The following EML1 variants were observed in gnomAD, a reference collection of about 807,000 sequenced individuals.
The protein encoded by EML1 is EMAP like 1.
In EML1, 27 loss-of-function variants were observed where a neutral mutation model predicts 110.4. The observed-to-expected ratio is 0.24, with a 90% CI of 0.18 to 0.34. The LOEUF is 0.34. EML1 is among the 10% of genes least tolerant of loss of function. The pLI is 1.00. For missense variants in EML1, 741 were observed against 1,030.9 expected, an observed-to-expected ratio of 0.72 and a Z score of 3.85; for synonymous variants, 344 against 385.8, an observed-to-expected ratio of 0.89 and a Z score of 1.27.
intron 1 of EML1, among the ~76,000 whole-genome samples, chr14:99,754,978 C>T (rs921834567): frequency 6.6e-6 from 1 of 152,246 alleles, no homozygotes; most frequent in African/African-American, 2.4e-5. Context: ...ACCTAACCAG[C>T]TGTAATCCCG....
At position 99,940,115 on chromosome 14, in the gene EML1, C is replaced by T. The variant is rs1396768600; in HGVS notation, c.*3C>T. 3 of 1,559,322 alleles carry T rather than the reference C, an allele frequency of 1.9e-6. No individual in the cohort carries two copies. Among genetic ancestry groups the T allele is most frequent in the Non-Finnish European group, 2.6e-6 (3 of 1,153,318 alleles). On this transcript the variant is annotated 3_prime_UTR_variant, in exon 22 of 22. Coordinates refer to ENST00000262233, the MANE Select transcript of EML1 (RefSeq NM_004434.3). ...TCATGCAGTGGCGCGTCATTTAGTA[C>T]CCACCGAGAGCTGTGGGGAGCAGCA...
At chr14:99,923,918 T>C (rs760249494) in intron 17 of EML1, among the ~76,000 whole-genome samples, 4 of 152,192 alleles carry the variant, frequency 2.6e-5, no homozygotes, top group Non-Finnish European at 4.4e-5. Flanking sequence ...CCTCCCAAAG[T>C]GTTGGGATTA....
At chr14:99,789,509 T>G (rs1021218700), upstream of EML1, among the ~76,000 whole-genome samples, 1 of 152,198 alleles carries the variant, frequency 6.6e-6, no homozygotes, top group African/African-American at 2.4e-5. Context: ...ATGCCTGGCC[T>G]CTATTTCATT....
intron 15 of EML1, among the ~76,000 whole-genome samples, chr14:99,915,833 G>A (rs1424577245): frequency 1.3e-5 from 2 of 152,172 alleles, no homozygotes; most frequent in East Asian, 3.8e-4. Context: ...TAGCCCTTCT[G>A]TAAACCAACA....
intron 1 of EML1, among the ~76,000 whole-genome samples, chr14:99,830,965 A>C (rs747796371): frequency 1.3e-5 from 2 of 152,108 alleles, no homozygotes; most frequent in Non-Finnish European, 1.5e-5. Context: ...ACTCCTTTTG[A>C]TTCTTTAAAA....
At chr14:99,902,609 T>C (rs1779181635) in intron 9 of EML1, among the ~76,000 whole-genome samples, 1 of 152,236 alleles carries the variant, frequency 6.6e-6, no homozygotes, top group Admixed American at 6.5e-5. Context: ...ATTATTTGTA[T>C]AAAGTGCAGC....
chr14:99,870,898 C>T (rs986313755), intron 3 of EML1, among the ~76,000 whole-genome samples: 1 of 152,160 alleles, frequency 6.6e-6, no homozygotes, highest in African/African-American at 2.4e-5. Context: ...TCACACAACA[C>T]GCATTCTGCA....
chr14:99,823,992 G>T (rs1330716725), intron 1 of EML1, among the ~76,000 whole-genome samples: 1 of 151,916 alleles, frequency 6.6e-6, no homozygotes, highest in Non-Finnish European at 1.5e-5. Flanking sequence ...TCGCTCTGTC[G>T]CCAGGCTGGA....
chr14:99,865,807 G>A (rs985254783), intron 3 of EML1, among the ~76,000 whole-genome samples, 161 bp downstream of exon 3: 6 of 152,204 alleles, frequency 3.9e-5, no homozygotes, highest in African/African-American at 1.4e-4. Flanking sequence ...AACTAGTTAA[G>A]TTTATTATTA....
At chr14:99,848,700 T>TAAC (rs1299072708) in intron 1 of EML1, among the ~76,000 whole-genome samples, 1 of 152,224 alleles carries the variant, frequency 6.6e-6, no homozygotes, top group Non-Finnish European at 1.5e-5. Context: ...GCACAGTGGC[T>TAAC]AACACCTGTA....
intron 1 of EML1, among the ~76,000 whole-genome samples, chr14:99,849,102 A>T (rs980933246): frequency 2.6e-5 from 4 of 152,302 alleles, no homozygotes; most frequent in Middle Eastern, 3.4e-3. Context: ...TTGATCTTAT[A>T]TAATTTTTCT....
At chr14:99,803,291 C>T (rs1240702823) in intron 1 of EML1, among the ~76,000 whole-genome samples, 2 of 152,220 alleles carry the variant, frequency 1.3e-5, no homozygotes, top group Admixed American at 6.5e-5. Flanking sequence ...AAATAAAGCA[C>T]GCCCACCGCT....
chr14:99,880,302 A>T lies in EML1; in HGVS notation c.518+1683A>T, dbSNP rs78072435. 4.0e-3 allele frequency among the ~76,000 whole-genome samples: 612 copies of T among 152,208 alleles called. 4 individuals carry two copies. The highest frequency in any genetic ancestry group is 0.014 in the African/African-American group (580 of 41,518). On this transcript the variant is annotated intron_variant, in intron 4 of 21. Transcript: ENST00000262233. ...GCTGGTCTTGACAGGGACCCATAGG[A>T]GTAAGAGCTGCAGTAACTCAAAAGA... is the stretch of plus-strand genomic sequence containing the variant.
At chr14:99,860,375 G>C (rs2058982544) in intron 2 of EML1, among the ~76,000 whole-genome samples, 1 of 152,098 alleles carries the variant, frequency 6.6e-6, no homozygotes, top group Non-Finnish European at 1.5e-5. Flanking sequence ...GCAGAAAATT[G>C]TGTTTGAAAC....
chr14:99,774,285 A>T (rs1186652318), intron 1 of EML1, among the ~76,000 whole-genome samples: 1 of 152,174 alleles, frequency 6.6e-6, no homozygotes, highest in Non-Finnish European at 1.5e-5. Flanking sequence ...TCACAGTGAC[A>T]GCGTGGCCTT....
intron 1 of EML1, among the ~76,000 whole-genome samples, chr14:99,756,541 G>C (rs1237243393): frequency 1.3e-5 from 2 of 152,210 alleles, no homozygotes; most frequent in African/African-American, 4.8e-5. Context: ...AGAGTGAGTA[G>C]GTAGATGGTT....
At chr14:99,813,890 C>A (rs2058122720) in intron 1 of EML1, among the ~76,000 whole-genome samples, 1 of 152,128 alleles carries the variant, frequency 6.6e-6, no homozygotes, top group Non-Finnish European at 1.5e-5. Flanking sequence ...CCAAGAATCC[C>A]TTTTACATCT....
chr14:99,872,922 G>C (rs1439503660), intron 3 of EML1, among the ~76,000 whole-genome samples: 2 of 152,148 alleles, frequency 1.3e-5, no homozygotes, highest in African/African-American at 4.8e-5. Flanking sequence ...TTTCAGCCTG[G>C]TGCTTAAGAA....
At chr14:99,870,042 A>G (rs901970048) in intron 3 of EML1, among the ~76,000 whole-genome samples, 1 of 152,252 alleles carries the variant, frequency 6.6e-6, no homozygotes, top group African/African-American at 2.4e-5. Context: ...GGACTCATGC[A>G]GGCCTGTTGT....
Sources: allele counts gnomAD v4.1 joint callset (sites outside exome capture counted in the v4.1 genomes callset), GRCh38; gene constraint gnomAD v4.1.1; transcripts MANE v1.5; gene names NCBI Gene and HGNC (gene_info 2026-07-23, HGNC 2026-07-21).